PPFIA4: variants seen among roughly 807,000 people sequenced by gnomAD.
The protein encoded by PPFIA4 is PPFI scaffold protein A4.
PPFIA4 carries 98 observed loss-of-function variants against 145.7 expected under a neutral mutation model. That is an observed-to-expected ratio of 0.67 (90% CI 0.57 to 0.80). PPFIA4 has a LOEUF of 0.80. Among genes scored for constraint, PPFIA4 ranks in the 30% least tolerant of loss-of-function variants. The pLI is 0.00. For synonymous variants in PPFIA4, 628 were observed against 649.6 expected, an observed-to-expected ratio of 0.97 and a Z score of 0.51; for missense variants, 1,457 against 1,632.7, an observed-to-expected ratio of 0.89 and a Z score of 1.85.
intron 12 of PPFIA4, 128 bp downstream of exon 12, chr1:203,049,108 C>A (rs1379493678): frequency 2.3e-6 from 2 of 874,416 alleles, no homozygotes; most frequent in Non-Finnish European, 3.5e-6. Flanking sequence ...GCACTACATA[C>A]ATTATTCCGT....
intron 25 of PPFIA4, among the ~76,000 whole-genome samples, chr1:203,065,232 C>T (rs1661650408): frequency 1.3e-5 from 2 of 152,210 alleles, no homozygotes; most frequent in African/African-American, 4.8e-5. Flanking sequence ...TGCACAGAGC[C>T]TCCTGGCTTA....
chr1:203,062,508 ATAG>A (rs1661458756), intron 24 of PPFIA4, among the ~76,000 whole-genome samples: 1 of 139,164 alleles, frequency 7.2e-6, no homozygotes, highest in Non-Finnish European at 1.5e-5. Flanking sequence ...AAAAAAAAAG[ATAG>A]TCTCAATAAG....
At chr1:203,066,229 T>C (rs919707476) in intron 25 of PPFIA4, among the ~76,000 whole-genome samples, 2 of 152,204 alleles carry the variant, frequency 1.3e-5, no homozygotes, top group Non-Finnish European at 2.9e-5. Context: ...CCCTTCACAG[T>C]GGACCAAAGC....
Position 203,076,783 on chromosome 1 carries a change from G to C in PPFIA4, c.*393G>C. 1 of 251,248 alleles carries C rather than the reference G, an allele frequency of 4.0e-6. No individual in the cohort carries two copies. 15.6% of individuals were successfully genotyped at this position (251,248 alleles called of 1,614,324 possible). On this transcript the variant is annotated 3_prime_UTR_variant, in exon 30 of 30. Coordinates refer to ENST00000295706, the MANE Select transcript of PPFIA4 (RefSeq NM_001304331.2). ...CCACAGGCTGGGATGGTCCTTCCAA[G>C]AAAGGGTCATTTCAGACGCAGCCCT...
intron 27 of PPFIA4, among the ~76,000 whole-genome samples, chr1:203,071,059 C>T (rs1173858693): frequency 6.6e-6 from 1 of 151,786 alleles, no homozygotes; most frequent in Non-Finnish European, 1.5e-5. Context: ...TCAAGCTATC[C>T]TCCTGCCCAA....
intron 17 of PPFIA4, 58 bp from the exon 18 acceptor site, chr1:203,056,317 G>A: frequency 6.2e-7 from 1 of 1,603,228 alleles, no homozygotes; most frequent in African/African-American, 1.3e-5. Context: ...CTTCTGGGCT[G>A]GGTAGGCAGG....
chr1:203,057,438 G>T (rs2102664958), intron 19 of PPFIA4, among the ~76,000 whole-genome samples: 1 of 152,352 alleles, frequency 6.6e-6, no homozygotes, highest in Non-Finnish European at 1.5e-5. Context: ...GCTTAGGCAA[G>T]CGTGGCATCG....
chr1:203,043,546 G>T lies in PPFIA4; in HGVS notation c.336+48G>T. On this transcript the variant is annotated intron_variant, in intron 3 of 29. Transcript: ENST00000295706. This position sits in a 1 kb window ranked among gnomAD's most constrained non-coding sequence, Gnocchi z 4.4. ...CGCGCGCGCGCACGTGTGTGTGTGT[G>T]TGTATGGGGGTGTGTTGTGAACACC... The T allele has an allele frequency of 1.4e-6, 2 of 1,476,080 alleles. No individual in the cohort carries two copies. The highest frequency in any genetic ancestry group is 1.2e-5 in the South Asian group (1 of 83,232). The allele number at this position is 1,476,080 out of a possible 1,614,324, so 91.4% of individuals were successfully genotyped here.
In PPFIA4 at chr1:203,060,117, G is replaced by A. The variant is rs1423551083; in HGVS notation, c.2584-100G>A. 2.4e-5 allele frequency: 27 copies of A among 1,136,610 alleles called. No homozygotes were observed. The East Asian group carries it at 2.5e-4, about 11-fold the overall frequency. The allele number at this position is 1,136,610 out of a possible 1,614,324, so 70.4% of individuals were successfully genotyped here. A position where few individuals can be genotyped will look rare whatever the true frequency, so the allele number is the denominator to read the frequency against. The stretch of plus-strand genomic sequence containing the variant: ...TTCCTATGATCTGTATTTGCTATTC[G>A]AGTCCGTGGATGAGGCCTGGCCCTT... On this transcript the variant is annotated intron_variant, in intron 21 of 29. Coordinates refer to ENST00000295706, the MANE Select transcript of PPFIA4 (RefSeq NM_001304331.2). This position sits in a 1 kb window ranked among gnomAD's most constrained non-coding sequence, Gnocchi z 4.8.
rs1451217543 is a variant in PPFIA4, at chr1:203,068,225, C to T, written c.3149-228C>T. 1.3e-5 allele frequency among the ~76,000 whole-genome samples: 2 copies of T among 152,274 alleles called. No individual in the cohort carries two copies. Among genetic ancestry groups the T allele is most frequent in the Non-Finnish European group, 2.9e-5 (2 of 68,002 alleles). ...GAAAGCTTGGAGCCTGTTGGCCTGA[C>T]CCCGGGTCCTGTAAACTGGCAGGGA... On this transcript the variant is annotated intron_variant, in intron 26 of 29. Coordinates refer to ENST00000295706, the MANE Select transcript of PPFIA4 (RefSeq NM_001304331.2). The surrounding 1 kb of genome is among the most constrained non-coding windows in gnomAD (Gnocchi z 4.7).
intron 1 of PPFIA4, among the ~76,000 whole-genome samples, chr1:203,029,404 A>G (rs1443934057): frequency 6.6e-6 from 1 of 152,228 alleles, no homozygotes; most frequent in Non-Finnish European, 1.5e-5. Flanking sequence ...CCGTTGGTCA[A>G]ACTCCACGTG....
At chr1:203,028,662 CGTGT>C (rs1658604770) in intron 1 of PPFIA4, among the ~76,000 whole-genome samples, 1 of 151,206 alleles carries the variant, frequency 6.6e-6, no homozygotes, top group Admixed American at 6.6e-5. Context: ...TGTGCACACG[CGTGT>C]GTGAGTGTGT....
rs1225343128 is a variant in PPFIA4 at position 203,064,067 on chromosome 1, G to A, written c.3050+64G>A. 1.0e-5 allele frequency: 16 copies of A among 1,544,654 alleles called. 1 individual carries two copies. Among genetic ancestry groups the A allele is most frequent in the Middle Eastern group, 4.7e-4 (2 of 4,224 alleles). ...GGGCCTCCCCTAGCTCTGAGGGTCT[G>A]CCTCCAGGAACAGAGGTGCCTCCAT... On this transcript the variant is annotated intron_variant, in intron 25 of 29. Transcript: ENST00000295706.
At chr1:203,034,345 G>A in intron 1 of PPFIA4, 1 of 424,900 alleles carries the variant, frequency 2.4e-6, no homozygotes, top group South Asian at 1.7e-5. Flanking sequence ...CAGCAGGAGA[G>A]GAGGTAGGGC....
rs1480555185 is a variant in PPFIA4, at chr1:203,067,791, G to A, written c.3147G>A (p.Lys1049=). 1 of 1,613,524 alleles carries A rather than the reference G, an allele frequency of 6.2e-7. No homozygotes were observed. The highest frequency in any genetic ancestry group is 8.5e-7 in the Non-Finnish European group (1 of 1,179,844). Residue 1049 remains lysine, a splice_region_variant and synonymous_variant, in exon 26 of 30, where the codon AAG becomes AAA. Transcript: ENST00000295706. ...GAGAGGAGAGCCAGCATGAGATCAA[G>A]GGTAAGCTCGTCAGGCTTGGAGAGG... ...KRREESQHEI[K]DVLVWTNDQV...
At position 203,027,130 on chromosome 1, in the gene PPFIA4, C is replaced by T. The variant is rs77900126; in HGVS notation, c.-400+501C>T. ...GCTAGCTCTCCATTCCTCGAACTGCCAGCCTCAGTCTGTGCCAGAGATGCC... is the reference window on the plus strand; with the variant it reads ...GCTAGCTCTCCATTCCTCGAACTGCTAGCCTCAGTCTGTGCCAGAGATGCC... On this transcript the variant is annotated intron_variant, in intron 1 of 29. Coordinates refer to ENST00000295706, the MANE Select transcript of PPFIA4 (RefSeq NM_001304331.2). 2.8e-3 allele frequency among the ~76,000 whole-genome samples: 432 copies of T among 152,290 alleles called. 1 individual carries two copies. The highest frequency in any genetic ancestry group is 9.5e-3 in the African/African-American group (396 of 41,568).
intron 25 of PPFIA4, among the ~76,000 whole-genome samples, chr1:203,065,580 T>G (rs950277601): frequency 4.6e-5 from 7 of 152,198 alleles, no homozygotes; most frequent in African/African-American, 9.7e-5. Flanking sequence ...TAGGTTCAGC[T>G]CTGAATCTTG....
chr1:203,053,366 C>CAG (rs975141859), intron 14 of PPFIA4, among the ~76,000 whole-genome samples: 33 of 152,112 alleles, frequency 2.2e-4, no homozygotes, highest in Admixed American at 1.7e-3. Context: ...AACCCCGTCT[C>CAG]TACTAAAATA....
rs1231285252 is a variant in PPFIA4, at chr1:203,075,064, C to G, written c.3394-513C>G. On this transcript the variant is annotated intron_variant, in intron 28 of 29. Transcript: ENST00000295706. This position sits in a 1 kb window ranked among gnomAD's most constrained non-coding sequence, Gnocchi z 4.1. ...AGGGGTCACTCACCTGGTACAGGGT[C>G]ACATAGCCAGTAAAATGGCAGAGCC... 1.3e-5 allele frequency among the ~76,000 whole-genome samples: 2 copies of G among 152,088 alleles called. No individual in the cohort carries two copies. Among genetic ancestry groups the G allele is most frequent in the Admixed American group, 1.3e-4 (2 of 15,274 alleles).
Sources: allele counts gnomAD v4.1 joint callset (sites outside exome capture counted in the v4.1 genomes callset), GRCh38; gene constraint gnomAD v4.1.1; non-coding constraint Gnocchi (gnomAD v3.1); transcripts MANE v1.5; gene names NCBI Gene and HGNC (gene_info 2026-07-23, HGNC 2026-07-21).